The following ULK4 variants were observed in gnomAD, a reference collection of about 807,000 sequenced individuals.
The protein encoded by ULK4 is inactive serine/threonine-protein kinase ULK4.
Under a neutral mutation model 160.6 loss-of-function variants are expected in ULK4, and 133 were observed. The observed-to-expected ratio is 0.83, with a 90% CI of 0.72 to 0.96. The LOEUF (loss-of-function observed/expected upper bound fraction) is 0.96, where lower values mean the gene tolerates loss of function less well. ULK4 is among the 40% of genes least tolerant of loss of function. The probability of loss-of-function intolerance (pLI) is 0.00; values close to 1 mark genes in which losing one functional copy is unlikely to be tolerated. For synonymous variants in ULK4, 534 were observed against 539.8 expected (o/e 0.99, Z 0.15); for missense variants, 1,580 against 1,499.5 (o/e 1.05, Z -0.89).
intron 17 of ULK4, among the ~76,000 whole-genome samples, chr3:41,852,908 A>C (rs759429897): frequency 1.3e-5 from 2 of 152,148 alleles, no homozygotes; most frequent in Non-Finnish European, 2.9e-5. Flanking sequence ...CTTGATACTA[A>C]AAGAAGCAGT....
At chr3:41,453,024 C>A (rs749300297) in intron 34 of ULK4, among the ~76,000 whole-genome samples, 15 of 152,166 alleles carry the variant, frequency 9.9e-5, no homozygotes, top group Non-Finnish European at 1.8e-4. Context: ...TATTTTTATC[C>A]TTTGTAAGCT....
At chr3:41,524,608 G>T (rs2086048079) in intron 32 of ULK4, among the ~76,000 whole-genome samples, 2 of 152,082 alleles carry the variant, frequency 1.3e-5, no homozygotes, top group African/African-American at 2.4e-5. Context: ...AGAGTCCTTT[G>T]GCCTGAAGTC....
chr3:41,690,839 G>T (rs1044005457), intron 27 of ULK4, among the ~76,000 whole-genome samples: 1 of 151,848 alleles, frequency 6.6e-6, no homozygotes, highest in Admixed American at 6.6e-5. Flanking sequence ...GCACCTATAT[G>T]CAAAAGGGGG....
At chr3:41,681,891 T>A (rs1372640536) in intron 27 of ULK4, 87 bp from the exon 28 acceptor site, 1 of 1,464,020 alleles carries the variant, frequency 6.8e-7, no homozygotes, top group East Asian at 2.3e-5. Context: ...ACAGACAGAA[T>A]CCCTAATCAA....
chr3:41,403,921 GT>G (rs2082237988), intron 34 of ULK4, among the ~76,000 whole-genome samples: 1 of 152,022 alleles, frequency 6.6e-6, no homozygotes, highest in Admixed American at 6.5e-5. Context: ...TTGATTTCTA[GT>G]TTGATTCTAT....
chr3:41,507,779 T>A (rs565835828), intron 32 of ULK4, among the ~76,000 whole-genome samples: 1 of 152,316 alleles, frequency 6.6e-6, no homozygotes, highest in Admixed American at 6.5e-5. Context: ...ACTCCACTCA[T>A]GATCCAGATT....
chr3:41,329,872 G>A (rs1208809281), intron 35 of ULK4, among the ~76,000 whole-genome samples: 2 of 152,132 alleles, frequency 1.3e-5, no homozygotes, highest in Non-Finnish European at 2.9e-5. Flanking sequence ...GAGCATATTA[G>A]ATTTGACAAA....
chr3:41,689,375 T>G (rs2036206228), intron 27 of ULK4, among the ~76,000 whole-genome samples: 1 of 152,212 alleles, frequency 6.6e-6, no homozygotes, highest in Admixed American at 6.5e-5. Flanking sequence ...TCTGGAGTAA[T>G]GGAGGGTTTA....
intron 27 of ULK4, among the ~76,000 whole-genome samples, chr3:41,700,498 G>A (rs1342426970): frequency 6.6e-6 from 1 of 152,178 alleles, no homozygotes. Context: ...TATGATCTCA[G>A]ACCTACATTA....
chr3:41,559,011 T>A lies in ULK4; in HGVS notation c.3226+7014A>T, dbSNP rs1306330447. Among the ~76,000 whole-genome samples, 12 of 134,144 alleles carry A rather than the reference T, an allele frequency of 8.9e-5. 1 individual carries two copies. The South Asian group carries it at 2.8e-3, about 32-fold the overall frequency. The allele number at this position is 134,144 out of a possible 152,430, so 88.0% of individuals were successfully genotyped here. Reference sequence around the variant, plus strand: ...ATTTAACATTAGGTGTATCTCCTAATGCTATCCCTCCCCCCTACCCCCACC... The same window carrying A: ...ATTTAACATTAGGTGTATCTCCTAAAGCTATCCCTCCCCCCTACCCCCACC... On this transcript the variant is annotated intron_variant, in intron 32 of 36. Transcript: ENST00000301831.
chr3:41,755,176 A>T (rs1428092664), intron 21 of ULK4, among the ~76,000 whole-genome samples: 2 of 152,202 alleles, frequency 1.3e-5, no homozygotes, highest in African/African-American at 4.8e-5. Context: ...GAATCGTAAT[A>T]TCAGCAAGAT....
chr3:41,460,090 C>T (rs913064417), intron 33 of ULK4, among the ~76,000 whole-genome samples: 1 of 152,190 alleles, frequency 6.6e-6, no homozygotes, highest in African/African-American at 2.4e-5. Context: ...TAAAAACAGA[C>T]AGCCCCCTAA....
chr3:41,953,285 C>CACACATATAT (rs374288098), intron 2 of ULK4, among the ~76,000 whole-genome samples: 100 of 85,910 alleles, frequency 1.2e-3, no homozygotes, highest in Non-Finnish European at 1.8e-3. Flanking sequence ...CATATATACA[C>CACACATATAT]ATATATATAT....
chr3:41,341,109 A>G (rs1475996108), intron 35 of ULK4, among the ~76,000 whole-genome samples: 1 of 152,236 alleles, frequency 6.6e-6, no homozygotes, highest in Non-Finnish European at 1.5e-5. Flanking sequence ...GGACAGTGAC[A>G]TAACTGGTAT....
At chr3:41,620,083 T>G (rs941829212) in intron 30 of ULK4, among the ~76,000 whole-genome samples, 5 of 152,170 alleles carry the variant, frequency 3.3e-5, no homozygotes, top group African/African-American at 9.7e-5. Context: ...AATCCCTGAA[T>G]AGACCAATAA....
At chr3:41,253,958 T>C (rs2078785435) in intron 35 of ULK4, among the ~76,000 whole-genome samples, 1 of 152,162 alleles carries the variant, frequency 6.6e-6, no homozygotes, top group African/African-American at 2.4e-5. Flanking sequence ...TAACAATAAA[T>C]GTGTATACAT....
intron 18 of ULK4, among the ~76,000 whole-genome samples, chr3:41,821,409 C>T (rs1012594381): frequency 4.6e-5 from 7 of 152,212 alleles, no homozygotes; most frequent in Admixed American, 1.3e-4. Context: ...GACGCTCCCA[C>T]CACTTCACCT....
At chr3:41,549,724 C>G (rs2086994305) in intron 32 of ULK4, among the ~76,000 whole-genome samples, 1 of 151,928 alleles carries the variant, frequency 6.6e-6, no homozygotes, top group Non-Finnish European at 1.5e-5. Context: ...CCAAAAAGGT[C>G]TTCTCTAAGG....
intron 34 of ULK4, among the ~76,000 whole-genome samples, chr3:41,451,464 C>G (rs2083423700): frequency 6.6e-6 from 1 of 151,634 alleles, no homozygotes; most frequent in Non-Finnish European, 1.5e-5. Flanking sequence ...AATATGTGAT[C>G]AAAGGGGAAA....
Sources: allele counts gnomAD v4.1 joint callset (sites outside exome capture counted in the v4.1 genomes callset), GRCh38; gene constraint gnomAD v4.1.1; transcripts MANE v1.5; gene names NCBI Gene and HGNC (gene_info 2026-07-23, HGNC 2026-07-21).